Variants in COQ8B observed in about 807,000 individuals in gnomAD.
The protein encoded by COQ8B is atypical kinase COQ8B, mitochondrial.
COQ8B carries 44 observed loss-of-function variants against 62.0 expected under a neutral mutation model. That is an observed-to-expected ratio of 0.71 (90% confidence interval 0.56 to 0.91). The LOEUF (loss-of-function observed/expected upper bound fraction) is 0.91. COQ8B is among the 40% of genes least tolerant of loss of function. The probability of loss-of-function intolerance (pLI) is 0.00; values close to 1 mark genes in which losing one functional copy is unlikely to be tolerated. For missense variants in COQ8B, 649 were observed against 731.6 expected (o/e 0.89, Z 1.30); for synonymous variants, 252 against 289.9 (o/e 0.87, Z 1.33).
chr19:40,703,321 T>TAAGCTCTTGGCTGCCACC, intron 9 of COQ8B: 1 of 542,548 alleles, frequency 1.8e-6, no homozygotes, highest in Admixed American at 3.5e-5. Context: ...GGCCCTGGGC[T>TAAGCTCTTGGCTGCCACC]CCCGTCTCTC....
intron 4 of COQ8B, among the ~76,000 whole-genome samples, chr19:40,711,887 T>C (rs905279804): frequency 3.3e-5 from 5 of 152,174 alleles, no homozygotes; most frequent in African/African-American, 1.2e-4. Flanking sequence ...AGAAGTGAAG[T>C]AATTTGCCCA....
Position 40,692,031 on chromosome 19 carries a change from G to A in COQ8B, c.*4C>T. 1 of 1,593,202 alleles carries A rather than the reference G, an allele frequency of 6.3e-7. No individual in the cohort carries two copies. The highest frequency in any genetic ancestry group is 8.5e-7 in the Non-Finnish European group (1 of 1,169,696). On this transcript the variant is annotated 3_prime_UTR_variant, in exon 15 of 15. Coordinates refer to ENST00000324464, the MANE Select transcript of COQ8B (RefSeq NM_024876.4). ...TCTGGGGACTGAATCCCCCATGGAG[G>A]CTGTCATGAGGGATCCACCCAGGAG...
At chr19:40,696,270 A>G (rs2082014418) in intron 12 of COQ8B, among the ~76,000 whole-genome samples, 1 of 152,168 alleles carries the variant, frequency 6.6e-6, no homozygotes, top group Non-Finnish European at 1.5e-5. Flanking sequence ...TGTTTATGCA[A>G]TAACAAATTT....
chr19:40,695,723 C>G (rs966147383), intron 13 of COQ8B, among the ~76,000 whole-genome samples: 5 of 152,164 alleles, frequency 3.3e-5, no homozygotes, highest in African/African-American at 1.2e-4. Context: ...CCTCCAGGAC[C>G]CAGTTACTTC....
At chr19:40,693,182 C>T in intron 13 of COQ8B, 145 bp from the exon 14 acceptor site, 1 of 649,214 alleles carries the variant, frequency 1.5e-6, no homozygotes, top group Non-Finnish European at 2.7e-6. Flanking sequence ...CTTCCTGCTC[C>T]CAACTTTGCC....
In COQ8B at chr19:40,692,902, G is replaced by T. The variant is rs367771031; in HGVS notation, c.1296+49C>A. ...CAGTGGAGATAAGCAGCCCCCCACT[G>T]CACCCCACCAACAGACACCAGCCCC... On this transcript the variant is annotated intron_variant, in intron 14 of 14. Transcript: ENST00000324464. 6.4e-7 allele frequency: 1 copy of T among 1,556,768 alleles called. No homozygotes were observed. Among genetic ancestry groups the T allele is most frequent in the South Asian group, 1.1e-5 (1 of 89,002 alleles).
chr19:40,696,953 T>C (rs1217423861), intron 12 of COQ8B, among the ~76,000 whole-genome samples: 3 of 152,240 alleles, frequency 2.0e-5, no homozygotes, highest in Non-Finnish European at 4.4e-5. Flanking sequence ...CCTGTTGCCA[T>C]GTGTCGCTCC....
In COQ8B at chr19:40,698,110, G is replaced by A. The variant is rs2082033358; in HGVS notation, c.1143+1957C>T. On this transcript the variant is annotated intron_variant, in intron 12 of 14. Transcript: ENST00000324464. Reference sequence around the variant, plus strand: ...AGGCACCTGTAATCCCAGCTACTTGGGAGGCTGAGGCAGGAGAATTGCTTG... The same window carrying A: ...AGGCACCTGTAATCCCAGCTACTTGAGAGGCTGAGGCAGGAGAATTGCTTG... Among the ~76,000 whole-genome samples the A allele has an allele frequency of 4.0e-5, 6 of 151,138 alleles. No individual in the cohort carries two copies. The South Asian group carries it at 1.3e-3, about 32-fold the overall frequency.
At position 40,703,759 on chromosome 19, in the gene COQ8B, G is replaced by A; in HGVS notation, c.673C>T (p.Gln225Ter). The A allele has an allele frequency of 1.2e-6, 2 of 1,614,070 alleles. No individual in the cohort carries two copies. The highest frequency in any genetic ancestry group is 8.5e-7 in the Non-Finnish European group (1 of 1,180,012). Residue 225 changes from glutamine (Q) to a stop codon, truncating the protein, a stop_gained, in exon 8 of 15, where the codon CAG becomes TAG. Transcript: ENST00000324464. LOFTEE classifies it high-confidence loss of function. ...FAAASIGQVH[Q>*]GLLRDGTEVA... ...TCCGTCCCGTCCCTCAGCAGGCCCT[G>A]GTGCACCTGCCCAATTGAGGCAGCG...
chr19:40,714,286 G>A lies in COQ8B; in HGVS notation c.214C>T (p.Arg72Trp), dbSNP rs1455909460. Residue 72 changes from arginine to tryptophan, a missense_variant, in exon 3 of 15, where the codon CGG becomes TGG. Arg to Trp is a moderately radical substitution (Grantham distance 101). Coordinates refer to ENST00000324464, the MANE Select transcript of COQ8B (RefSeq NM_024876.4). ...GGTGGGGGTAATGATACCTGGGGCC[G>A]GGGTGTCTTCCTGGGACGGGCCTCC... is the stretch of plus-strand genomic sequence containing the variant. ...AREARPRKTP[R>W]PQLSDRSRER... The A allele has an allele frequency of 5.6e-6, 9 of 1,612,316 alleles. No homozygotes were observed. The highest frequency in any genetic ancestry group is 1.3e-5 in the African/African-American group (1 of 75,010).
chr19:40,697,847 T>G (rs397832660), intron 12 of COQ8B, among the ~76,000 whole-genome samples: 24,268 of 56,320 alleles, frequency 0.43, 3,588 homozygotes, highest in East Asian at 0.47. Flanking sequence ...TATATATATA[T>G]ATATAGAGAG....
intron 5 of COQ8B, among the ~76,000 whole-genome samples, chr19:40,706,060 G>C (rs892698661): frequency 6.6e-6 from 1 of 152,140 alleles, no homozygotes; most frequent in African/African-American, 2.4e-5. Context: ...CAGCCCAGGT[G>C]GGTCTCAAAA....
At chr19:40,711,131 C>CA (rs10586544) in intron 4 of COQ8B, among the ~76,000 whole-genome samples, 3,071 of 134,324 alleles carry the variant, frequency 0.023, 62 homozygotes, top group Non-Finnish European at 0.033. Context: ...AACTCCGTCT[C>CA]AAAAAAAAAA....
At position 40,714,258 on chromosome 19, in the gene COQ8B, G is replaced by T; in HGVS notation, c.222+20C>A. 6.2e-7 allele frequency: 1 copy of T among 1,608,296 alleles called. No homozygotes were observed. ...AGCAGTATTCGTGGGGTGTTGCTGG[G>T]TGGGTGGGGGTAATGATACCTGGGG... On this transcript the variant is annotated intron_variant, in intron 3 of 14. Coordinates refer to ENST00000324464, the MANE Select transcript of COQ8B (RefSeq NM_024876.4).
chr19:40,701,035 G>GT, intron 10 of COQ8B: 1 of 153,708 alleles, frequency 6.5e-6, no homozygotes, highest in South Asian at 2.0e-4. Context: ...ATAGATTGAG[G>GT]TAAGTGTGTT....
rs772770880 is a variant in COQ8B at position 40,692,256 on chromosome 19, C to T, written c.1414G>A (p.Val472Met). ...TARRIQDLIP[V>M]LLRHRLCPPP... ...GGACACAGCCGGTGCCGCAGCAGCA[C>T]CGGGATGAGGTCCTGTATGCGGCGG... The change falls in exon 15 of 15, where the codon GTG becomes ATG. Residue 472 changes from valine to methionine, a missense_variant. Val to Met is a conservative substitution (Grantham distance 21). Transcript: ENST00000324464. 1.2e-6 allele frequency: 2 copies of T among 1,613,022 alleles called. No individual in the cohort carries two copies. Among genetic ancestry groups the T allele is most frequent in the African/African-American group, 1.3e-5 (1 of 74,862 alleles).
At position 40,692,316 on chromosome 19, in the gene COQ8B, G is replaced by A. The variant is rs1030776218; in HGVS notation, c.1354C>T (p.Gln452Ter). ...VMILGEPFATQGPYDFGSGET... is the reference protein window; with the variant it reads ...VMILGEPFAT ...CCCGACCCAAAGTCATAAGGGCCCT[G>A]GGTGGCGAAAGGCTCCCCCAGGATC... The change falls in exon 15 of 15, where the codon CAG becomes TAG. Residue 452 changes from glutamine to a stop codon, truncating the protein, a stop_gained. Transcript: ENST00000324464. LOFTEE classifies it low-confidence loss of function (END_TRUNC). 3 of 1,613,792 alleles carry A rather than the reference G, an allele frequency of 1.9e-6. No homozygotes were observed. Among genetic ancestry groups the A allele is most frequent in the Non-Finnish European group, 8.5e-7 (1 of 1,179,878 alleles).
chr19:40,702,508 C>G, intron 10 of COQ8B, 92 bp downstream of exon 10: 2 of 1,225,318 alleles, frequency 1.6e-6, no homozygotes, highest in Admixed American at 3.4e-5. Context: ...TGCCCTACCC[C>G]ACAGCTCCAG....
At chr19:40,703,497 T>C (rs2082077238) in intron 9 of COQ8B, 44 bp downstream of exon 9, 1 of 1,550,608 alleles carries the variant, frequency 6.4e-7, no homozygotes, top group East Asian at 2.3e-5. Context: ...TCTCTGGGCA[T>C]AGCCCCTTTG....
Sources: allele counts gnomAD v4.1 joint callset (sites outside exome capture counted in the v4.1 genomes callset), GRCh38; gene constraint gnomAD v4.1.1; transcripts MANE v1.5; gene names NCBI Gene and HGNC (gene_info 2026-07-23, HGNC 2026-07-21).